RUFY1: variants seen among roughly 807,000 people sequenced by gnomAD.
RUFY1 encodes the protein RUN and FYVE domain-containing protein 1.
RUFY1 carries 54 observed loss-of-function variants against 94.6 expected under a neutral mutation model. The observed-to-expected ratio is 0.57, with a 90% confidence interval of 0.46 to 0.72. The LOEUF is 0.72. Among genes scored for constraint, RUFY1 ranks in the 30% least tolerant of loss-of-function variants. The pLI, the probability that RUFY1 is intolerant of heterozygous loss-of-function variation, is 0.00. For synonymous variants in RUFY1, 396 were observed against 347.3 expected (o/e 1.14, Z -1.56); for missense variants, 883 against 883.9 (o/e 1.00, Z 0.01).
rs1765480824 is a variant in RUFY1, at chr5:179,595,030, T to TAA, written c.1511+67_1511+68insAA. ...AGCATTCCCTGGGCCTGGAGACTTA[T>TAA]TCAGAGTCCCTCTCCAAAGTGCAGG... On this transcript the variant is annotated intron_variant, in intron 12 of 17. Transcript: ENST00000319449. The TAA allele has an allele frequency of 2.6e-6, 3 of 1,166,006 alleles. No individual in the cohort carries two copies. In the African/African-American group the frequency reaches 4.6e-5, roughly 18 times the overall value. 72.2% of individuals were successfully genotyped at this position (1,166,006 alleles called of 1,614,324 possible). A position where few individuals can be genotyped will look rare whatever the true frequency, so the allele number is the denominator to read the frequency against.
intron 1 of RUFY1, among the ~76,000 whole-genome samples, chr5:179,558,241 T>G (rs1762204388): frequency 6.6e-6 from 1 of 152,146 alleles, no homozygotes; most frequent in Non-Finnish European, 1.5e-5. Flanking sequence ...GTTTTAAAAT[T>G]TATAAATATA....
intron 4 of RUFY1, chr5:179,569,003 A>C: frequency 1.0e-6 from 1 of 980,792 alleles, no homozygotes; most frequent in South Asian, 4.7e-5. Flanking sequence ...GTGGAGACAC[A>C]GGAGGGGAGA....
In RUFY1 at chr5:179,607,678, C is replaced by T. The variant is rs947979405; in HGVS notation, c.1983+19C>T. 6.8e-6 allele frequency: 11 copies of T among 1,606,280 alleles called. No homozygotes were observed. Among genetic ancestry groups the T allele is most frequent in the Non-Finnish European group, 9.4e-6 (11 of 1,173,362 alleles). On this transcript the variant is annotated intron_variant, in intron 17 of 17. Transcript: ENST00000319449. ...GAGAAAGGTACGTGGGGGCTCCACC[C>T]ACCCTCCCAGTGCCCTGAGTCGTTG...
intron 15 of RUFY1, 98 bp from the exon 16 acceptor site, chr5:179,605,778 G>C: frequency 7.3e-6 from 6 of 822,860 alleles, no homozygotes; most frequent in Non-Finnish European, 1.3e-5. Flanking sequence ...TCACAAGTCC[G>C]GTATCCTCAC....
At chr5:179,591,867 A>C (rs1385217548) in intron 10 of RUFY1, 126 bp downstream of exon 10, 10 of 564,808 alleles carry the variant, frequency 1.8e-5, no homozygotes, top group African/African-American at 1.5e-4. Flanking sequence ...TCATTAAAAA[A>C]ATTTTTTTTA....
At chr5:179,586,212 C>T in intron 8 of RUFY1, 1 of 427,938 alleles carries the variant, frequency 2.3e-6, no homozygotes, top group Admixed American at 2.9e-5. Context: ...CTCCCTGCTG[C>T]CCCAGAAAGC....
Position 179,597,956 on chromosome 5 carries a change from C to T in RUFY1, c.1632-736C>T, listed in dbSNP as rs1447440162. On this transcript the variant is annotated intron_variant, in intron 13 of 17. Coordinates refer to ENST00000319449, the MANE Select transcript of RUFY1 (RefSeq NM_025158.5). ...CATAATCCCAGCACTTTTGGGAGGC[C>T]GAGGCAGGGAGATCACGAGGTCAGG... is the stretch of plus-strand genomic sequence containing the variant. Among the ~76,000 whole-genome samples, 8 of 152,054 alleles carry T rather than the reference C, an allele frequency of 5.3e-5. No individual in the cohort carries two copies. The East Asian group carries it at 9.7e-4, about 18-fold the overall frequency.
intron 3 of RUFY1, among the ~76,000 whole-genome samples, chr5:179,566,922 T>G (rs1200838890): frequency 6.6e-6 from 1 of 151,224 alleles, no homozygotes; most frequent in Non-Finnish European, 1.5e-5. Flanking sequence ...GGTGTGGTGA[T>G]GCATGCCTGT....
intron 1 of RUFY1, among the ~76,000 whole-genome samples, chr5:179,557,329 C>T (rs2127505483): frequency 6.6e-6 from 1 of 152,266 alleles, no homozygotes; most frequent in East Asian, 1.9e-4. Context: ...ACTGGGGAGG[C>T]TGAGGCAGGA....
In RUFY1 at chr5:179,550,771, AC is replaced by A; in HGVS notation, c.205del (p.Leu69TrpfsTer41). On this transcript the variant is annotated frameshift_variant, in exon 1 of 18. Coordinates refer to ENST00000319449, the MANE Select transcript of RUFY1 (RefSeq NM_025158.5). LOFTEE classifies it high-confidence loss of function. ...CGAGGGCTGGTCGGCGCCCATCCTGACCCTGGCACGCAGGGCCACCGGGAAC... is the reference window on the plus strand; with the variant it reads ...CGAGGGCTGGTCGGCGCCCATCCTGACCTGGCACGCAGGGCCACCGGGAAC... ...AAEGWSAPIL[T>X]LARRATGNLS... 1 of 1,394,630 alleles carries A rather than the reference AC, an allele frequency of 7.2e-7. No homozygotes were observed. The highest frequency in any genetic ancestry group is 9.3e-7 in the Non-Finnish European group (1 of 1,069,890). The allele number at this position is 1,394,630 out of a possible 1,614,324, so 86.4% of individuals were successfully genotyped here.
intron 7 of RUFY1, among the ~76,000 whole-genome samples, chr5:179,582,256 A>T (rs539133928): frequency 6.6e-6 from 1 of 151,836 alleles, no homozygotes; most frequent in South Asian, 2.1e-4. Flanking sequence ...ACAAGGTCTT[A>T]CTCTGTCACC....
chr5:179,563,529 A>C (rs1762598373), intron 3 of RUFY1, among the ~76,000 whole-genome samples: 1 of 152,184 alleles, frequency 6.6e-6, no homozygotes, highest in African/African-American at 2.4e-5. Context: ...GAAGCCCTCC[A>C]AATCCCATGA....
intron 17 of RUFY1, 94 bp from the exon 18 acceptor site, chr5:179,609,282 C>A: frequency 7.3e-7 from 1 of 1,360,746 alleles, no homozygotes; most frequent in Non-Finnish European, 1.0e-6. Context: ...AACCCATTCC[C>A]AGCAAATGAT....
Position 179,560,141 on chromosome 5 carries a change from G to A in RUFY1, c.427G>A (p.Ala143Thr), listed in dbSNP as rs762134886. ...GGGCCGCAGCCTGGATGCGGACCAT[G>A]CCCCCTTGCAGCAGTTCTTTGTAGT... ...SLGRSLDADHAPLQQFFVVME... is the reference protein window; with the variant it reads ...SLGRSLDADHTPLQQFFVVME... The change falls in exon 2 of 18, where the codon GCC (alanine) becomes ACC (threonine). Residue 143 changes from alanine to threonine, a missense_variant. By Grantham distance (58) the Ala-to-Thr change is moderately conservative (BLOSUM62 0). Transcript: ENST00000319449. 2.8e-5 allele frequency: 45 copies of A among 1,613,972 alleles called. No homozygotes were observed. The highest frequency in any genetic ancestry group is 3.3e-4 in the Middle Eastern group (2 of 6,084).
intron 2 of RUFY1, among the ~76,000 whole-genome samples, chr5:179,560,608 C>T (rs1287083775): frequency 5.3e-5 from 8 of 150,368 alleles, no homozygotes; most frequent in East Asian, 1.9e-4. Flanking sequence ...CGCCTGTAGT[C>T]CCAGCTACTC....
At chr5:179,566,080 G>A (rs980524785) in intron 3 of RUFY1, among the ~76,000 whole-genome samples, 5 of 152,000 alleles carry the variant, frequency 3.3e-5, no homozygotes, top group Middle Eastern at 3.4e-3. Context: ...GTTCCAGGCT[G>A]CAGGGAGCCA....
At chr5:179,598,324 C>T in intron 13 of RUFY1, 1 of 206,192 alleles carries the variant, frequency 4.8e-6, no homozygotes, top group Non-Finnish European at 9.8e-6. Context: ...GGTTGCGCCA[C>T]TGCACTCCAG....
At chr5:179,597,001 A>T in intron 13 of RUFY1, 1 of 308,032 alleles carries the variant, frequency 3.2e-6, no homozygotes. Flanking sequence ...ACAGAAAGTC[A>T]CCTTTCACCT....
chr5:179,570,156 G>T (rs1008106183), intron 5 of RUFY1, among the ~76,000 whole-genome samples: 3 of 152,264 alleles, frequency 2.0e-5, no homozygotes, highest in South Asian at 2.1e-4. Context: ...GGGATTACAG[G>T]TGTGAGCCAC....
Sources: gnomAD v4.1 joint callset for allele counts (sites outside exome capture counted in the v4.1 genomes callset) on GRCh38, gnomAD v4.1.1 for gene constraint, MANE v1.5 for transcripts, NCBI Gene and HGNC (gene_info 2026-07-23, HGNC 2026-07-21) for gene names.